The following CCDC171 variants were observed in gnomAD, a reference collection of about 807,000 sequenced individuals.
The protein encoded by CCDC171 is coiled-coil domain-containing protein 171.
Under a neutral mutation model 168.2 loss-of-function variants are expected in CCDC171, and 177 were observed. The ratio of observed to expected loss-of-function variants is 1.05; its 90% CI spans 0.93 to 1.19. CCDC171 has a LOEUF of 1.19. CCDC171 is among the 50% of genes most tolerant of loss of function. The pLI is 0.00. For missense variants in CCDC171, 1,991 were observed against 1,539.0 expected, an observed-to-expected ratio of 1.29 and a Z score of -4.91; for synonymous variants, 687 against 540.8, an observed-to-expected ratio of 1.27 and a Z score of -3.75.
downstream of CCDC171, among the ~76,000 whole-genome samples, chr9:15,978,554 G>A (rs375258355): frequency 2.7e-3 from 418 of 152,248 alleles, 2 homozygotes; most frequent in African/African-American, 9.4e-3. Flanking sequence ...GAAGTCCAAC[G>A]TTGATTTTCC....
chr9:15,786,307 G>C (rs796806931), intron 21 of CCDC171, among the ~76,000 whole-genome samples: 10 of 152,098 alleles, frequency 6.6e-5, no homozygotes, highest in African/African-American at 2.2e-4. Flanking sequence ...ATATGACTGT[G>C]AATTTTTTTC....
At chr9:15,749,684 A>G (rs924247141) in intron 18 of CCDC171, among the ~76,000 whole-genome samples, 2 of 152,238 alleles carry the variant, frequency 1.3e-5, no homozygotes, top group African/African-American at 4.8e-5. Flanking sequence ...TAAACCGCTC[A>G]ACTACATGGA....
At chr9:16,097,875 C>T in the CCDC171 span, among the ~76,000 whole-genome samples, 7 of 152,322 alleles carry the variant, frequency 4.6e-5, no homozygotes, top group Non-Finnish European at 8.8e-5. Context: ...AAGAGACTGA[C>T]TGACTTGCAT....
chr9:16,076,559 C>G, the CCDC171 span, among the ~76,000 whole-genome samples: 5 of 152,254 alleles, frequency 3.3e-5, no homozygotes, highest in African/African-American at 1.2e-4. Context: ...GTCCCATATC[C>G]CTAGGGTCCC....
intron 2 of CCDC171, among the ~76,000 whole-genome samples, chr9:15,564,852 T>G (rs891557989): frequency 2.0e-5 from 3 of 152,176 alleles, no homozygotes; most frequent in Non-Finnish European, 2.9e-5. Context: ...AGTAAAACAT[T>G]TGGGGTTGTA....
At chr9:15,701,201 C>T (rs926863129) in intron 11 of CCDC171, among the ~76,000 whole-genome samples, 1 of 152,172 alleles carries the variant, frequency 6.6e-6, no homozygotes, top group Non-Finnish European at 1.5e-5. Context: ...TGTCTCTTCA[C>T]TCTGTTGATT....
intron 24 of CCDC171, among the ~76,000 whole-genome samples, chr9:15,879,646 T>C (rs892840468): frequency 2.0e-5 from 3 of 152,122 alleles, no homozygotes; most frequent in African/African-American, 7.2e-5. Flanking sequence ...TAATTACAGA[T>C]TTATGTAATT....
At position 16,050,327 on chromosome 9, in the gene CCDC171, G is replaced by T. The variant is rs181563797; in HGVS notation, n.89+7441G>T. Among the ~76,000 whole-genome samples, 33 of 152,300 alleles carry T rather than the reference G, an allele frequency of 2.2e-4. No homozygotes were observed. The East Asian group carries it at 6.2e-3, about 28-fold the overall frequency. On this transcript the variant is annotated intron_variant and non_coding_transcript_variant, in intron 1 of 1. Transcript: ENST00000478913. Reference sequence around the variant, plus strand: ...CTGTAAAAGCATAAATTGCTTAATTGCAATCGCCAAGCAATAATCCAGTTT... The same window carrying T: ...CTGTAAAAGCATAAATTGCTTAATTTCAATCGCCAAGCAATAATCCAGTTT...
chr9:15,662,464 G>A (rs1257595062), intron 8 of CCDC171, among the ~76,000 whole-genome samples: 6 of 152,008 alleles, frequency 3.9e-5, no homozygotes, highest in African/African-American at 1.5e-4. Flanking sequence ...TTCCTGTGAC[G>A]CTTGCCTCAC....
At chr9:15,721,495 A>T (rs566895085) in intron 11 of CCDC171, among the ~76,000 whole-genome samples, 4 of 151,386 alleles carry the variant, frequency 2.6e-5, no homozygotes, top group Non-Finnish European at 5.9e-5. Flanking sequence ...ATAAGGTAGA[A>T]AGTAGTCATA....
chr9:16,069,605 G>T, the CCDC171 span, among the ~76,000 whole-genome samples: 20 of 152,356 alleles, frequency 1.3e-4, no homozygotes, highest in African/African-American at 4.8e-4. Context: ...TGCTACATTA[G>T]AATTTATAAT....
intron 6 of CCDC171, among the ~76,000 whole-genome samples, chr9:16,030,365 C>T (rs1833346382): frequency 6.6e-6 from 1 of 152,070 alleles, no homozygotes; most frequent in Non-Finnish European, 1.5e-5. Context: ...GATAAATGTA[C>T]AGATTCATAT....
At chr9:15,812,325 A>T (rs1016315695) in intron 21 of CCDC171, among the ~76,000 whole-genome samples, 5 of 152,234 alleles carry the variant, frequency 3.3e-5, no homozygotes, top group Admixed American at 2.6e-4. Flanking sequence ...ACACATAGGT[A>T]TATAGAAACA....
chr9:15,950,980 T>A (rs1038878923), intron 25 of CCDC171, among the ~76,000 whole-genome samples: 1 of 151,092 alleles, frequency 6.6e-6, no homozygotes, highest in Non-Finnish European at 1.5e-5. Flanking sequence ...AATTCTAGTC[T>A]CTGATAAAAC....
chr9:15,823,815 A>G (rs1312434361), intron 21 of CCDC171, among the ~76,000 whole-genome samples: 5 of 152,106 alleles, frequency 3.3e-5, no homozygotes, highest in African/African-American at 4.8e-5. Flanking sequence ...ATTTAAAGAG[A>G]AAGTTGATAA....
At chr9:15,757,754 G>T (rs1433872578) in intron 18 of CCDC171, among the ~76,000 whole-genome samples, 1 of 152,154 alleles carries the variant, frequency 6.6e-6, no homozygotes, top group African/African-American at 2.4e-5. Flanking sequence ...TCAGCCTAGG[G>T]GCTTGATGCC....
At position 15,744,583 on chromosome 9, in the gene CCDC171, C is replaced by T. The variant is rs74413892; in HGVS notation, c.2360C>T (p.Ala787Val). The change falls in exon 17 of 26, where the codon GCC (alanine) becomes GTC (valine). Residue 787 changes from alanine to valine, a missense_variant. By Grantham distance (64) the Ala-to-Val change is moderately conservative (BLOSUM62 0). Transcript: ENST00000380701. The stretch of plus-strand genomic sequence containing the variant: ...GTAGAGGAAAAGAAGCAAGAGGAAG[C>T]CAAGATGAAAAAGAAAACATTCAAA... ...STVEEKKQEE[A>V]KMKKKTFKGL... 5.0e-6 allele frequency: 8 copies of T among 1,614,032 alleles called. No individual in the cohort carries two copies. The African/African-American group carries it at 5.3e-5, about 11-fold the overall frequency.
intron 21 of CCDC171, among the ~76,000 whole-genome samples, chr9:15,838,658 C>T (rs1321720400): frequency 6.6e-6 from 1 of 152,216 alleles, no homozygotes; most frequent in Non-Finnish European, 1.5e-5. Flanking sequence ...TCTTGAACTC[C>T]TGGCCTCAAG....
chr9:15,610,982 G>C (rs1220779771), intron 6 of CCDC171, among the ~76,000 whole-genome samples: 1 of 152,172 alleles, frequency 6.6e-6, no homozygotes, highest in Non-Finnish European at 1.5e-5. Flanking sequence ...AATCACCAGT[G>C]TTGGAAATAG....
Sources: gnomAD v4.1 joint callset for allele counts (sites outside exome capture counted in the v4.1 genomes callset) on GRCh38, gnomAD v4.1.1 for gene constraint, MANE v1.5 for transcripts, NCBI Gene and HGNC (gene_info 2026-07-23, HGNC 2026-07-21) for gene names.